The following ST6GALNAC3 variants were observed in gnomAD, a reference collection of about 807,000 sequenced individuals.
ST6GALNAC3 encodes alpha-N-acetylgalactosaminide alpha-2,6-sialyltransferase 3.
In ST6GALNAC3, 25 loss-of-function variants were observed where a neutral mutation model predicts 32.7. The observed-to-expected ratio is 0.76, with a 90% CI of 0.56 to 1.07. ST6GALNAC3 has a LOEUF of 1.07. Among genes scored for constraint, ST6GALNAC3 ranks in the 50% least tolerant of loss-of-function variants. The pLI is 0.00. For synonymous variants in ST6GALNAC3, 129 were observed against 133.1 expected (o/e 0.97, Z 0.21); for missense variants, 355 against 382.4 (o/e 0.93, Z 0.60).
chr1:76,315,618 CAT>C (rs1384164151), intron 2 of ST6GALNAC3, among the ~76,000 whole-genome samples: 1 of 152,014 alleles, frequency 6.6e-6, no homozygotes, highest in South Asian at 2.1e-4. Flanking sequence ...TAGGAGAAAA[CAT>C]AGTTACTGGA....
intron 2 of ST6GALNAC3, among the ~76,000 whole-genome samples, chr1:76,339,923 C>T (rs573015442): frequency 2.0e-5 from 3 of 152,126 alleles, no homozygotes; most frequent in Admixed American, 6.5e-5. Context: ...GCAAAAACCT[C>T]AAGGAAGTGG....
In ST6GALNAC3 at chr1:76,509,152, T is replaced by A. The variant is rs999244036; in HGVS notation, c.623+96735T>A. On this transcript the variant is annotated intron_variant, in intron 3 of 4. Transcript: ENST00000328299. The surrounding 1 kb of genome is among the most constrained non-coding windows in gnomAD (Gnocchi z 5.5). Reference sequence around the variant, plus strand: ...TTGATGTAGTGTAAAATGATTTTAATGCTTGTGGTCTAAGAAAGTATCTCT... The same window carrying A: ...TTGATGTAGTGTAAAATGATTTTAAAGCTTGTGGTCTAAGAAAGTATCTCT... Among the ~76,000 whole-genome samples the A allele has an allele frequency of 6.6e-6, 1 of 152,210 alleles. No individual in the cohort carries two copies. Among genetic ancestry groups the A allele is most frequent in the Non-Finnish European group, 1.5e-5 (1 of 68,036 alleles).
intron 2 of ST6GALNAC3, among the ~76,000 whole-genome samples, chr1:76,395,149 T>A (rs1652852656): frequency 6.6e-6 from 1 of 152,078 alleles, no homozygotes. Context: ...TTCCAAAAAA[T>A]GTAAAGGAGG....
chr1:76,344,697 A>C lies in ST6GALNAC3; in HGVS notation c.213+30698A>C, dbSNP rs1343757040. Among the ~76,000 whole-genome samples, 4 of 152,326 alleles carry C rather than the reference A, an allele frequency of 2.6e-5. No individual in the cohort carries two copies. In the East Asian group the frequency reaches 7.7e-4, roughly 29 times the overall value. ...ACTGCCAGGTCTGGAAGAATATGCT[A>C]TACTTTCCAAGGTTGTTAGATTTGA... On this transcript the variant is annotated intron_variant, in intron 2 of 4. Coordinates refer to ENST00000328299, the MANE Select transcript of ST6GALNAC3 (RefSeq NM_152996.4).
chr1:76,387,684 A>G (rs1486175339), intron 2 of ST6GALNAC3, among the ~76,000 whole-genome samples: 1 of 152,214 alleles, frequency 6.6e-6, no homozygotes, highest in Non-Finnish European at 1.5e-5. Context: ...ATAATAATTA[A>G]ATTATAGCAC....
At chr1:76,103,742 A>C (rs975717506) in intron 1 of ST6GALNAC3, among the ~76,000 whole-genome samples, 11 of 152,080 alleles carry the variant, frequency 7.2e-5, no homozygotes, top group African/African-American at 2.7e-4. Flanking sequence ...CTTTGCTTGT[A>C]GCTATCTCTC....
At chr1:76,158,400 G>A (rs531128424) in intron 1 of ST6GALNAC3, among the ~76,000 whole-genome samples, 31 of 152,286 alleles carry the variant, frequency 2.0e-4, no homozygotes, top group African/African-American at 6.7e-4. Context: ...ACCCAGAGCC[G>A]GGGCCCTCTG....
intron 3 of ST6GALNAC3, among the ~76,000 whole-genome samples, chr1:76,450,239 AT>A (rs1657295499): frequency 6.6e-6 from 1 of 151,954 alleles, no homozygotes; most frequent in African/African-American, 2.4e-5. Flanking sequence ...AACATCTACT[AT>A]TTTTTGATTT....
chr1:76,361,779 G>C (rs1389413839), intron 2 of ST6GALNAC3, among the ~76,000 whole-genome samples: 1 of 152,044 alleles, frequency 6.6e-6, no homozygotes, highest in Non-Finnish European at 1.5e-5. Flanking sequence ...AGGGGTTTGA[G>C]ACCAGCCTGT....
chr1:76,303,003 G>T (rs1296620113), intron 1 of ST6GALNAC3, among the ~76,000 whole-genome samples: 1 of 151,956 alleles, frequency 6.6e-6, no homozygotes, highest in East Asian at 1.9e-4. Context: ...TGTAAATGAA[G>T]TGGTGTTCAC....
intron 3 of ST6GALNAC3, among the ~76,000 whole-genome samples, chr1:76,461,823 AC>A (rs1379392812): frequency 1.3e-5 from 2 of 152,072 alleles, no homozygotes; most frequent in Admixed American, 1.3e-4. Flanking sequence ...GATTGTTATT[AC>A]CCTCTCATTT....
At chr1:76,383,304 T>C (rs575026575) in intron 2 of ST6GALNAC3, among the ~76,000 whole-genome samples, 1 of 152,308 alleles carries the variant, frequency 6.6e-6, no homozygotes, top group East Asian at 1.9e-4. Flanking sequence ...AGAGTCTTGC[T>C]CTGTCACCCA....
chr1:76,261,651 A>G (rs1164325405), intron 1 of ST6GALNAC3, among the ~76,000 whole-genome samples: 1 of 152,230 alleles, frequency 6.6e-6, no homozygotes, highest in African/African-American at 2.4e-5. Context: ...ATGTGCATGC[A>G]GGGCTGAGCA....
chr1:76,396,309 A>G (rs1652953119), intron 2 of ST6GALNAC3, among the ~76,000 whole-genome samples: 2 of 152,038 alleles, frequency 1.3e-5, no homozygotes, highest in Non-Finnish European at 2.9e-5. Flanking sequence ...TACAAAAAAT[A>G]TAAAAATTAT....
intron 2 of ST6GALNAC3, among the ~76,000 whole-genome samples, chr1:76,358,405 C>T (rs1486497610): frequency 1.3e-5 from 2 of 152,140 alleles, no homozygotes; most frequent in South Asian, 2.1e-4. Flanking sequence ...TGCAGCCTTC[C>T]CTGTATTAAG....
rs531649540 is a variant in ST6GALNAC3, at chr1:76,192,543, T to G, written c.18+117659T>G. Among the ~76,000 whole-genome samples the G allele has an allele frequency of 2.0e-5, 3 of 152,316 alleles. No homozygotes were observed. In the South Asian group the frequency reaches 6.2e-4, roughly 32 times the overall value. The stretch of plus-strand genomic sequence containing the variant: ...AGCCTTAAAGGTCTCCTCGATTGTC[T>G]CTGCCTACAGGAAGGCTCAGCTGCT... On this transcript the variant is annotated intron_variant, in intron 1 of 4. Coordinates refer to ENST00000328299, the MANE Select transcript of ST6GALNAC3 (RefSeq NM_152996.4).
intron 3 of ST6GALNAC3, among the ~76,000 whole-genome samples, chr1:76,417,682 G>T (rs1654739743): frequency 6.6e-6 from 1 of 152,096 alleles, no homozygotes; most frequent in Admixed American, 6.6e-5. Flanking sequence ...AAATATGCTT[G>T]CAAATATAGG....
At chr1:76,598,279 C>T (rs1454208458) in intron 3 of ST6GALNAC3, among the ~76,000 whole-genome samples, 2 of 152,136 alleles carry the variant, frequency 1.3e-5, no homozygotes, top group African/African-American at 2.4e-5. Flanking sequence ...AACATTCAGC[C>T]TATAGCCATA....
intron 1 of ST6GALNAC3, among the ~76,000 whole-genome samples, chr1:76,150,253 C>T (rs1418706973): frequency 2.0e-5 from 3 of 152,138 alleles, no homozygotes; most frequent in Admixed American, 6.5e-5. Context: ...CTGGCTTTTA[C>T]GTTGAGTGCT....
Sources: allele counts gnomAD v4.1 joint callset (sites outside exome capture counted in the v4.1 genomes callset), GRCh38; gene constraint gnomAD v4.1.1; non-coding constraint Gnocchi (gnomAD v3.1); transcripts MANE v1.5; gene names NCBI Gene and HGNC (gene_info 2026-07-23, HGNC 2026-07-21).